Variants in MACF1 observed in about 807,000 individuals in gnomAD.
MACF1 encodes microtubule actin crosslinking factor 1.
In MACF1, 193 loss-of-function variants were observed where a neutral mutation model predicts 854.8. The ratio of observed to expected loss-of-function variants is 0.23; its 90% CI spans 0.20 to 0.25. The LOEUF (loss-of-function observed/expected upper bound fraction) is 0.25, where lower values mean the gene tolerates loss of function less well. Among genes scored for constraint, MACF1 ranks in the 10% least tolerant of loss-of-function variants. The probability of loss-of-function intolerance (pLI) is 1.00; values close to 1 mark genes in which losing one functional copy is unlikely to be tolerated. For missense variants in MACF1, 7,722 were observed against 8,929.1 expected (o/e 0.86, Z 5.45); for synonymous variants, 3,185 against 3,226.7 (o/e 0.99, Z 0.44).
Position 39,437,887 on chromosome 1 carries a change from T to A in MACF1, c.18099T>A (p.Ser6033Arg). 6.2e-7 allele frequency: 1 copy of A among 1,614,124 alleles called. No individual in the cohort carries two copies. The highest frequency in any genetic ancestry group is 8.5e-7 in the Non-Finnish European group (1 of 1,180,016). The change falls in exon 71 of 101, where the codon AGT (serine) becomes AGA (arginine). Residue 6033 changes from serine to arginine, a missense_variant. Ser to Arg is a moderately radical substitution (Grantham distance 110). Around this residue, in one of 15 missense-constraint regions of MACF1, gnomAD observed 2,807 missense variants for 3,235.8 expected, o/e 0.87. Transcript: ENST00000564288. ...TAGACAAGATCAGAGAGTGCATCAG[T>A]GACAATAAGAGTGCCACCGTGGAGC... Reference protein sequence around the residue: ...AEVDKIRECISDNKSATVELE... With the variant: ...AEVDKIRECIRDNKSATVELE...
chr1:39,304,585 A>G lies in MACF1; in HGVS notation c.2789+1507A>G, dbSNP rs558304558. 27 of 749,186 alleles carry G rather than the reference A, an allele frequency of 3.6e-5. No individual in the cohort carries two copies. The Admixed American group carries it at 6.2e-4, about 17-fold the overall frequency. 46.4% of individuals were successfully genotyped at this position (749,186 alleles called of 1,614,324 possible). ...TCTTTCTTTTTTTTTTTTTCTTGAG[A>G]CAGAGCCTTGCTCTGTCGCTCAGGC... is the stretch of plus-strand genomic sequence containing the variant. On this transcript the variant is annotated intron_variant, in intron 23 of 100. Transcript: ENST00000564288.
intron 2 of MACF1, among the ~76,000 whole-genome samples, chr1:39,243,981 G>A (rs1420294934): frequency 6.6e-6 from 1 of 151,952 alleles, no homozygotes; most frequent in Non-Finnish European, 1.5e-5. Context: ...GTATGCTTCA[G>A]AAACAGACTG....
At position 39,442,763 on chromosome 1, in the gene MACF1, A is replaced by G. The variant is rs1644145825; in HGVS notation, c.19154A>G (p.Asn6385Ser). The change falls in exon 78 of 101, where the codon AAC becomes AGC. Residue 6385 changes from asparagine (N) to serine (S), a missense_variant. Coordinates refer to ENST00000564288, the MANE Select transcript of MACF1 (RefSeq NM_001394062.1). Reference protein sequence around the residue: ...LAHQATVETVNKAGNELLESS... With the variant: ...LAHQATVETVSKAGNELLESS... Reference sequence around the variant, plus strand: ...CATCAAGCCACAGTGGAAACAGTCAACAAAGCTGGCAATGAGCTTCTTGAA... The same window carrying G: ...CATCAAGCCACAGTGGAAACAGTCAGCAAAGCTGGCAATGAGCTTCTTGAA... 2 of 1,614,152 alleles carry G rather than the reference A, an allele frequency of 1.2e-6. No homozygotes were observed. Among genetic ancestry groups the G allele is most frequent in the Non-Finnish European group, 1.7e-6 (2 of 1,180,036 alleles).
chr1:39,342,923 A>G (rs1646967882), intron 40 of MACF1, among the ~76,000 whole-genome samples: 1 of 152,232 alleles, frequency 6.6e-6, no homozygotes, highest in East Asian at 1.9e-4. Flanking sequence ...TAAAGCAGCC[A>G]TAAATAGTAC....
At chr1:39,322,388 C>T (rs1641174296) in intron 31 of MACF1, among the ~76,000 whole-genome samples, 1 of 152,208 alleles carries the variant, frequency 6.6e-6, no homozygotes, top group South Asian at 2.1e-4. Context: ...CTAACAACCA[C>T]ACCCTTTCAT....
At position 39,327,117 on chromosome 1, in the gene MACF1, C is replaced by T. The variant is rs934775402; in HGVS notation, c.4479-101C>T. 5 of 1,133,374 alleles carry T rather than the reference C, an allele frequency of 4.4e-6. No homozygotes were observed. The Admixed American group carries it at 1.1e-4, about 25-fold the overall frequency. 70.2% of individuals were successfully genotyped at this position (1,133,374 alleles called of 1,614,324 possible). On this transcript the variant is annotated intron_variant, in intron 35 of 100. Transcript: ENST00000564288. ...GTCTCCGATGAATATGGAAGAAGAT[C>T]ATCCATCCAAGATGAAGAAGTAGCA...
At chr1:39,316,330 T>C in intron 27 of MACF1, 61 bp from the exon 28 acceptor site, 2 of 1,420,238 alleles carry the variant, frequency 1.4e-6, no homozygotes, top group Non-Finnish European at 1.9e-6. Context: ...GCACTCCAGG[T>C]ATATAACCCT....
Position 39,254,302 on chromosome 1 carries a change from G to A in MACF1, c.362G>A (p.Arg121Gln), listed in dbSNP as rs2148337785. 3 of 1,613,804 alleles carry A rather than the reference G, an allele frequency of 1.9e-6. No homozygotes were observed. The highest frequency in any genetic ancestry group is 2.2e-5 in the East Asian group (1 of 44,884). ...QAEEDDDDVPREKGRMRFHRL... is the reference protein window; with the variant it reads ...QAEEDDDDVPQEKGRMRFHRL... ...CCTTTTTTTGTTTGTTTGCAGCCCCGGGAGAAGGGCAGGATGCGTTTTCAT... is the reference window on the plus strand; with the variant it reads ...CCTTTTTTTGTTTGTTTGCAGCCCCAGGAGAAGGGCAGGATGCGTTTTCAT... Residue 121 changes from arginine to glutamine, a missense_variant, in exon 5 of 101, where the codon CGG becomes CAG. This residue lies in a region of MACF1 where 108 missense variants were observed against 196.4 expected (regional missense o/e 0.55). Coordinates refer to ENST00000564288, the MANE Select transcript of MACF1 (RefSeq NM_001394062.1).
chr1:39,147,037 T>G (rs1643481540), intron 2 of MACF1, among the ~76,000 whole-genome samples: 1 of 151,842 alleles, frequency 6.6e-6, no homozygotes, highest in African/African-American at 2.4e-5. Context: ...TCCTTCCTTC[T>G]TCTTCTCCTC....
At chr1:39,266,594 CT>C (rs11406070) in intron 6 of MACF1, among the ~76,000 whole-genome samples, 105 of 58,116 alleles carry the variant, frequency 1.8e-3, no homozygotes, top group East Asian at 4.8e-3. Context: ...TGGTCTTTTC[CT>C]TTTTTTTTTT....
At chr1:39,377,374 G>A (rs995718863) in intron 52 of MACF1, among the ~76,000 whole-genome samples, 1 of 152,022 alleles carries the variant, frequency 6.6e-6, no homozygotes, top group African/African-American at 2.4e-5. Context: ...GCATATGAGA[G>A]TTTTCTGTCC....
Position 39,092,766 on chromosome 1 carries a change from CTGT to C in MACF1, c.220+8330_220+8332del, listed in dbSNP as rs552289932. ...GCTGTCAGTGGAAAAAACACAGTTC[CTGT>C]TTTTTCTTTTTTCTTTTCTTTCTTT... On this transcript the variant is annotated intron_variant, in intron 2 of 93. Coordinates refer to the MACF1 transcript ENST00000361689. Among the ~76,000 whole-genome samples the C allele has an allele frequency of 1.9e-3, 270 of 142,102 alleles. 1 individual carries two copies. Among genetic ancestry groups the C allele is most frequent in the African/African-American group, 6.7e-3 (260 of 38,568 alleles). 93.2% of individuals were successfully genotyped at this position (142,102 alleles called of 152,430 possible).
At chr1:39,160,161 T>TA (rs1557489377) in intron 2 of MACF1, among the ~76,000 whole-genome samples, 1 of 151,972 alleles carries the variant, frequency 6.6e-6, no homozygotes, top group East Asian at 1.9e-4. Flanking sequence ...ACAGAAATGT[T>TA]AAAAAATTAG....
rs143471782 is a variant in MACF1, at chr1:39,175,204, T to C, written c.221-55978T>C. ...TAGGTTGTAAAGTTTACACATAAAG[T>C]GAGGATTCCAAATAATCAAAATTAT... On this transcript the variant is annotated intron_variant, in intron 2 of 93. Coordinates refer to the MACF1 transcript ENST00000361689. Among the ~76,000 whole-genome samples the C allele has an allele frequency of 2.4e-4, 37 of 152,118 alleles. 1 individual carries two copies. The highest frequency in any genetic ancestry group is 5.1e-4 in the Non-Finnish European group (35 of 68,028).
At chr1:39,257,470 T>C (rs564587872) in intron 5 of MACF1, 93 of 155,692 alleles carry the variant, frequency 6.0e-4, no homozygotes, top group Non-Finnish European at 1.2e-3. Flanking sequence ...GCCCGGCTAA[T>C]TTTTTGTATT....
chr1:39,217,491 T>C (rs1486827598), intron 1 of MACF1, among the ~76,000 whole-genome samples: 2 of 151,696 alleles, frequency 1.3e-5, no homozygotes, highest in Admixed American at 6.6e-5. Flanking sequence ...CCTTGGCTGG[T>C]CTTGAGTTCC....
In MACF1 at chr1:39,296,755, G is replaced by A. The variant is rs796109665; in HGVS notation, c.2356-865G>A. Among the ~76,000 whole-genome samples the A allele has an allele frequency of 7.3e-3, 435 of 59,772 alleles. 2 individuals carry two copies. The highest frequency in any genetic ancestry group is 6.5e-3 in the Non-Finnish European group (165 of 25,330). The allele number at this position is 59,772 out of a possible 152,430, so 39.2% of individuals were successfully genotyped here. ...AAAAGAAAGAAAGAAAGAAAGAAAG[G>A]AAGGAAGGAAGGAAGGAAAAGAAAG... On this transcript the variant is annotated intron_variant, in intron 20 of 100. Transcript: ENST00000564288.
chr1:39,362,602 T>G (rs558847426), intron 49 of MACF1, among the ~76,000 whole-genome samples: 1 of 152,200 alleles, frequency 6.6e-6, no homozygotes, highest in Non-Finnish European at 1.5e-5. Flanking sequence ...TCAAGCTGTC[T>G]CCTGTGGCTT....
intron 4 of MACF1, 121 bp downstream of exon 4, chr1:39,252,062 A>G: frequency 1.8e-6 from 1 of 554,596 alleles, no homozygotes; most frequent in Non-Finnish European, 2.8e-6. Context: ...TTCTCATTTC[A>G]ACTGGGAATT....
Sources: allele counts gnomAD v4.1 joint callset (sites outside exome capture counted in the v4.1 genomes callset), GRCh38; gene constraint gnomAD v4.1.1; regional missense constraint gnomAD v4.1.1; transcripts MANE v1.5; gene names NCBI Gene and HGNC (gene_info 2026-07-23, HGNC 2026-07-21).